The following TSPAN9 variants were observed in gnomAD, a reference collection of about 807,000 sequenced individuals.
The protein encoded by TSPAN9 is tetraspanin 9.
A neutral mutation model predicts 31.0 loss-of-function variants in TSPAN9; 16 were observed. The ratio of observed to expected loss-of-function variants is 0.52; its 90% CI spans 0.35 to 0.78. The LOEUF (loss-of-function observed/expected upper bound fraction) is 0.78, where lower values mean the gene tolerates loss of function less well. Among genes scored for constraint, TSPAN9 ranks in the 30% least tolerant of loss-of-function variants. The probability of loss-of-function intolerance (pLI) is 0.01; values close to 1 mark genes in which losing one functional copy is unlikely to be tolerated. For synonymous variants in TSPAN9, 145 were observed against 121.6 expected (o/e 1.19, Z -1.27); for missense variants, 272 against 312.5 (o/e 0.87, Z 0.98).
chr12:3,157,074 T>C (rs2098342615), intron 2 of TSPAN9, among the ~76,000 whole-genome samples: 1 of 152,084 alleles, frequency 6.6e-6, no homozygotes, highest in African/African-American at 2.4e-5. Flanking sequence ...GGTTTTATTA[T>C]TTCCACTTAA....
At chr12:3,258,321 G>A (rs764451916) in intron 3 of TSPAN9, among the ~76,000 whole-genome samples, 6 of 152,172 alleles carry the variant, frequency 3.9e-5, no homozygotes, top group Admixed American at 6.5e-5. Context: ...TTCATTTTGT[G>A]TCTGAGTCCT....
chr12:3,241,902 C>G (rs2098396765), intron 3 of TSPAN9, among the ~76,000 whole-genome samples: 1 of 152,260 alleles, frequency 6.6e-6, no homozygotes, highest in Admixed American at 6.5e-5. Flanking sequence ...TCCCCACCGT[C>G]TCTGCCATGC....
chr12:3,268,157 T>C (rs984871268), intron 3 of TSPAN9, among the ~76,000 whole-genome samples: 30 of 148,522 alleles, frequency 2.0e-4, no homozygotes, highest in Non-Finnish European at 3.3e-4. Flanking sequence ...CTGCCCTCCG[T>C]GCATTCCTGC....
intron 4 of TSPAN9, 117 bp downstream of exon 4, chr12:3,278,729 A>T (rs1659956724): frequency 7.3e-7 from 1 of 1,376,696 alleles, no homozygotes; most frequent in South Asian, 1.4e-5. Flanking sequence ...AGCCCAGGGA[A>T]ACTGCTTCTA....
intron 2 of TSPAN9, among the ~76,000 whole-genome samples, chr12:3,186,624 A>G (rs1434722737): frequency 1.3e-5 from 2 of 152,066 alleles, no homozygotes; most frequent in South Asian, 4.1e-4. Context: ...TTTGAGAGAC[A>G]TGAGAAGGCA....
intron 2 of TSPAN9, chr12:3,174,190 C>T (rs943399511): frequency 2.0e-5 from 3 of 152,258 alleles, no homozygotes; most frequent in African/African-American, 7.2e-5. Flanking sequence ...GCCTCAGCCT[C>T]CTGAGTACCT....
intron 3 of TSPAN9, among the ~76,000 whole-genome samples, chr12:3,206,594 G>GT (rs113931308): frequency 0.017 from 2,435 of 144,986 alleles, 26 homozygotes; most frequent in South Asian, 0.042. Flanking sequence ...GTTTTGTTTT[G>GT]TTTTTTTTTT....
intron 3 of TSPAN9, among the ~76,000 whole-genome samples, chr12:3,247,915 G>C (rs1399404294): frequency 6.6e-6 from 1 of 152,242 alleles, no homozygotes; most frequent in African/African-American, 2.4e-5. Context: ...TCTGTTGCTA[G>C]AACAGGGCAG....
chr12:3,147,168 C>T lies in TSPAN9; in HGVS notation c.-17-54009C>T, dbSNP rs2098337668. 6.6e-6 allele frequency among the ~76,000 whole-genome samples: 1 copy of T among 152,088 alleles called. No homozygotes were observed. Among genetic ancestry groups the T allele is most frequent in the Admixed American group, 6.5e-5 (1 of 15,284 alleles). ...TTGAGTTTAGGGTGGAGACTGGAAGCAGGGGAGCCCTGGCCCTCTGCAGGT... is the reference window on the plus strand; with the variant it reads ...TTGAGTTTAGGGTGGAGACTGGAAGTAGGGGAGCCCTGGCCCTCTGCAGGT... On this transcript the variant is annotated intron_variant, in intron 2 of 8. Transcript: ENST00000011898. This position sits in a 1 kb window ranked among gnomAD's most constrained non-coding sequence, Gnocchi z 4.3.
chr12:3,270,372 A>C (rs1862651162), intron 3 of TSPAN9, among the ~76,000 whole-genome samples: 1 of 152,104 alleles, frequency 6.6e-6, no homozygotes, highest in Non-Finnish European at 1.5e-5. Flanking sequence ...AGATGCCCCC[A>C]TCCCTCCCCT....
At chr12:3,203,742 C>T (rs1002082897) in intron 3 of TSPAN9, among the ~76,000 whole-genome samples, 1 of 152,132 alleles carries the variant, frequency 6.6e-6, no homozygotes, top group African/African-American at 2.4e-5. Flanking sequence ...AGACATAGAC[C>T]TTAGGTAAGA....
At chr12:3,096,613 A>T (rs1436291131) in intron 2 of TSPAN9, among the ~76,000 whole-genome samples, 1 of 147,428 alleles carries the variant, frequency 6.8e-6, no homozygotes, top group Non-Finnish European at 1.5e-5. Flanking sequence ...GGACACTTAG[A>T]CACTTGCTTG....
intron 3 of TSPAN9, among the ~76,000 whole-genome samples, chr12:3,229,412 C>T (rs1422126061): frequency 6.6e-6 from 1 of 152,230 alleles, no homozygotes; most frequent in Non-Finnish European, 1.5e-5. Flanking sequence ...TTCTTTCCTT[C>T]CATCCGTCCT....
chr12:3,283,484 C>T lies in TSPAN9; in HGVS notation c.*368C>T, dbSNP rs1419130106. The T allele has an allele frequency of 5.3e-6, 1 of 187,148 alleles. No homozygotes were observed. The highest frequency in any genetic ancestry group is 1.1e-5 in the Non-Finnish European group (1 of 91,378). 11.6% of individuals were successfully genotyped at this position (187,148 alleles called of 1,614,324 possible). On this transcript the variant is annotated 3_prime_UTR_variant, in exon 9 of 9. Transcript: ENST00000011898. ...ATGGGGTGGGGAGCAGAGTGCCCGC[C>T]CCGTGGAGATACCGCCCCAGCGGGG...
intron 3 of TSPAN9, among the ~76,000 whole-genome samples, chr12:3,215,896 G>A (rs2098381141): frequency 6.6e-6 from 1 of 151,106 alleles, no homozygotes; most frequent in South Asian, 2.1e-4. Context: ...TCCAGAGCAC[G>A]TTCCACCGGG....
In TSPAN9 at chr12:3,167,016, C is replaced by T. The variant is rs141738074; in HGVS notation, c.-17-34161C>T. 3.0e-3 allele frequency among the ~76,000 whole-genome samples: 456 copies of T among 152,176 alleles called. 2 individuals carry two copies. Among genetic ancestry groups the T allele is most frequent in the African/African-American group, 0.011 (437 of 41,510 alleles). Reference sequence around the variant, plus strand: ...TTCACCATGTTGGCCAGGCTGGTCTCGGACTCCTGACCTCAGGTGATCCAC... The same window carrying T: ...TTCACCATGTTGGCCAGGCTGGTCTTGGACTCCTGACCTCAGGTGATCCAC... On this transcript the variant is annotated intron_variant, in intron 2 of 8. Coordinates refer to ENST00000011898, the MANE Select transcript of TSPAN9 (RefSeq NM_006675.5).
rs57812985 is a variant in TSPAN9, at chr12:3,081,844, G to GTGTGTGTATATA, written c.-84-1808_-84-1807insGTGTGTATATAT. Among the ~76,000 whole-genome samples the GTGTGTGTATATA allele has an allele frequency of 8.9e-4, 104 of 116,770 alleles. 1 individual carries two copies. The highest frequency in any genetic ancestry group is 4.7e-3 in the Middle Eastern group (1 of 214). 76.6% of individuals were successfully genotyped at this position (116,770 alleles called of 152,430 possible). Reference sequence around the variant, plus strand: ...TGTGTGTGTGTGTGTGTCTGTGTGTGTATATATATGCCAGGTGTGGTGGTA... The same window carrying GTGTGTGTATATA: ...TGTGTGTGTGTGTGTGTCTGTGTGTGTGTGTGTATATATATATATATGCCAGGTGTGGTGGTA... On this transcript the variant is annotated intron_variant, in intron 1 of 8. Transcript: ENST00000011898.
intron 2 of TSPAN9, among the ~76,000 whole-genome samples, chr12:3,098,422 G>C (rs146510400): frequency 4.6e-5 from 7 of 152,246 alleles, no homozygotes; most frequent in African/African-American, 1.7e-4. Context: ...CTGTTCTCTG[G>C]ACCCTCCTGT....
At chr12:3,242,097 CA>C (rs1396749415) in intron 3 of TSPAN9, among the ~76,000 whole-genome samples, 1 of 152,246 alleles carries the variant, frequency 6.6e-6, no homozygotes, top group African/African-American at 2.4e-5. Flanking sequence ...AGGCCAGCAT[CA>C]GGGGTCTCCC....
Sources: allele counts gnomAD v4.1 joint callset (sites outside exome capture counted in the v4.1 genomes callset), GRCh38; gene constraint gnomAD v4.1.1; non-coding constraint Gnocchi (gnomAD v3.1); transcripts MANE v1.5; gene names NCBI Gene and HGNC (gene_info 2026-07-23, HGNC 2026-07-21).